The following OTUD7A variants were observed in gnomAD, a reference collection of about 807,000 sequenced individuals.
OTUD7A encodes OTU domain-containing protein 7A.
OTUD7A carries 12 observed loss-of-function variants against 65.7 expected under a neutral mutation model. The observed-to-expected ratio is 0.18, with a 90% CI of 0.12 to 0.30. The LOEUF (loss-of-function observed/expected upper bound fraction) is 0.30, where lower values mean the gene tolerates loss of function less well. OTUD7A is among the 10% of genes least tolerant of loss of function. The probability of loss-of-function intolerance (pLI) is 1.00; values close to 1 mark genes in which losing one functional copy is unlikely to be tolerated. For synonymous variants in OTUD7A, 641 were observed against 586.3 expected (o/e 1.09, Z -1.35); for missense variants, 1,148 against 1,304.8 (o/e 0.88, Z 1.85).
intron 1 of OTUD7A, among the ~76,000 whole-genome samples, chr15:31,857,193 G>A (rs1897597573): frequency 6.6e-6 from 1 of 152,126 alleles, no homozygotes; most frequent in Admixed American, 6.5e-5. Flanking sequence ...GAATGCACCT[G>A]GACAGTCTGT....
intron 1 of OTUD7A, among the ~76,000 whole-genome samples, chr15:31,722,622 T>C (rs1292533982): frequency 1.3e-5 from 2 of 152,210 alleles, no homozygotes; most frequent in African/African-American, 4.8e-5. Flanking sequence ...AGGGATGGAA[T>C]GCAGGCAGGA....
intron 5 of OTUD7A, among the ~76,000 whole-genome samples, chr15:31,546,189 A>G (rs1302210104): frequency 6.6e-6 from 1 of 152,214 alleles, no homozygotes; most frequent in African/African-American, 2.4e-5. Flanking sequence ...TTCCCTATGG[A>G]TACTGAGGGA....
At chr15:31,571,282 TAAG>T (rs920538571) in intron 3 of OTUD7A, among the ~76,000 whole-genome samples, 1 of 152,070 alleles carries the variant, frequency 6.6e-6, no homozygotes, top group Admixed American at 6.5e-5. Flanking sequence ...CAAATAAAAA[TAAG>T]CTCTCTTCTC....
In OTUD7A at chr15:31,526,500, C is replaced by T. The variant is rs1238513030; in HGVS notation, c.781-39G>A. On this transcript the variant is annotated intron_variant, in intron 7 of 12. Coordinates refer to ENST00000307050, the MANE Select transcript of OTUD7A (RefSeq NM_001382637.1). ...GCCGGCTCAGAAGGGGGGTGGGCCA[C>T]AGCTGCGCTGCCCTCCTCTCCTCAC... 4.7e-6 allele frequency: 7 copies of T among 1,476,646 alleles called. No homozygotes were observed. In the South Asian group the frequency reaches 9.0e-5, roughly 19 times the overall value. The allele number at this position is 1,476,646 out of a possible 1,614,324, so 91.5% of individuals were successfully genotyped here. A position where few individuals can be genotyped will look rare whatever the true frequency, so the allele number is the denominator to read the frequency against.
intron 4 of OTUD7A, among the ~76,000 whole-genome samples, chr15:31,567,990 G>C (rs2141169497): frequency 6.6e-6 from 1 of 152,374 alleles, no homozygotes; most frequent in South Asian, 2.1e-4. Context: ...GAAGCCTGCA[G>C]CAGGGGCATA....
chr15:31,766,409 T>G, intron 1 of OTUD7A: 1 of 1,584,564 alleles, frequency 6.3e-7, no homozygotes, highest in East Asian at 2.2e-5. Context: ...CTAAATGAGG[T>G]TGCAGCAAAC....
intron 1 of OTUD7A, among the ~76,000 whole-genome samples, chr15:31,798,544 G>A (rs1896033714): frequency 1.3e-5 from 2 of 152,218 alleles, no homozygotes; most frequent in Non-Finnish European, 2.9e-5. Flanking sequence ...GCATCAAGGA[G>A]GGAAGTGGAG....
intron 1 of OTUD7A, among the ~76,000 whole-genome samples, chr15:31,676,072 C>T (rs563243946): frequency 1.6e-4 from 25 of 152,160 alleles, no homozygotes; most frequent in African/African-American, 5.3e-4. Context: ...AAATAAGTTG[C>T]ATGTTTGTTC....
intron 1 of OTUD7A, among the ~76,000 whole-genome samples, chr15:31,714,313 G>A (rs954343566): frequency 2.6e-5 from 4 of 152,166 alleles, no homozygotes; most frequent in Admixed American, 2.0e-4. Context: ...ATGAATGAAT[G>A]AACTGGTGGT....
intron 5 of OTUD7A, among the ~76,000 whole-genome samples, chr15:31,545,825 T>C (rs73372539): frequency 0.028 from 4,205 of 152,288 alleles, 195 homozygotes; most frequent in African/African-American, 0.095. Flanking sequence ...ACTGTTATAA[T>C]GCTGAACATA....
At chr15:31,499,691 G>A (rs1267144791) in intron 10 of OTUD7A, among the ~76,000 whole-genome samples, 1 of 152,248 alleles carries the variant, frequency 6.6e-6, no homozygotes, top group Non-Finnish European at 1.5e-5. Context: ...GACCTTATGG[G>A]TGAATGTGCA....
intron 9 of OTUD7A, 56 bp downstream of exon 9, chr15:31,503,635 C>T (rs530831853): frequency 2.5e-6 from 4 of 1,610,130 alleles, no homozygotes; most frequent in Non-Finnish European, 1.7e-6. Flanking sequence ...TGCTTTCTAG[C>T]TGGGATGCTA....
intron 1 of OTUD7A, among the ~76,000 whole-genome samples, chr15:31,845,124 G>T (rs1484621768): frequency 6.6e-6 from 1 of 152,188 alleles, no homozygotes; most frequent in African/African-American, 2.4e-5. Context: ...ACCCCTTCTG[G>T]TTCCCATGTT....
At chr15:31,760,446 C>T (rs544062380) in intron 1 of OTUD7A, among the ~76,000 whole-genome samples, 18 of 152,332 alleles carry the variant, frequency 1.2e-4, no homozygotes, top group African/African-American at 3.8e-4. Flanking sequence ...TCACCAAATG[C>T]TCACTTCTTC....
chr15:31,793,626 C>T (rs9806382), intron 1 of OTUD7A, among the ~76,000 whole-genome samples: 150,545 of 152,378 alleles, frequency 0.99, 74,399 homozygotes, highest in East Asian at 1. Context: ...CCTGGGTTTG[C>T]AGCTAGAGCC....
chr15:31,870,334 C>A, intron 1 of OTUD7A, among the ~76,000 whole-genome samples, 173 bp downstream of exon 1: 1 of 146,426 alleles, frequency 6.8e-6, no homozygotes, highest in East Asian at 2.0e-4. Flanking sequence ...GGGCCCGCGC[C>A]CCCCGCGTCC....
rs894470092 is a variant in OTUD7A at position 31,598,983 on chromosome 15, A to G, written c.152-28786T>C. Among the ~76,000 whole-genome samples, 5 of 150,986 alleles carry G rather than the reference A, an allele frequency of 3.3e-5. No homozygotes were observed. In the East Asian group the frequency reaches 7.8e-4, roughly 23 times the overall value. On this transcript the variant is annotated intron_variant, in intron 3 of 12. Coordinates refer to ENST00000307050, the MANE Select transcript of OTUD7A (RefSeq NM_001382637.1). ...CCTCCTCTCTGGGCAGGGCATCTCT[A>G]AAAAAAAAGGCAGCAGCCCCAGTCA...
intron 1 of OTUD7A, among the ~76,000 whole-genome samples, chr15:31,815,235 A>G (rs1447677930): frequency 6.6e-6 from 1 of 151,856 alleles, no homozygotes; most frequent in Non-Finnish European, 1.5e-5. Flanking sequence ...CTGTAGCCAT[A>G]GCAGCAATTA....
rs574788568 is a variant in OTUD7A, at chr15:31,750,382, C to T, written c.-99-93305G>A. ...AAGATCATGCCACTGCTTTCTAGCC[C>T]GGGCAACAGAGAATCTGACTCAAAA... On this transcript the variant is annotated intron_variant, in intron 1 of 12. Transcript: ENST00000307050. 1.1e-3 allele frequency among the ~76,000 whole-genome samples: 132 copies of T among 115,624 alleles called. 1 individual carries two copies. The highest frequency in any genetic ancestry group is 0.016 in the Middle Eastern group (2 of 122). 75.9% of individuals were successfully genotyped at this position (115,624 alleles called of 152,430 possible).
Sources: allele counts gnomAD v4.1 joint callset (sites outside exome capture counted in the v4.1 genomes callset), GRCh38; gene constraint gnomAD v4.1.1; transcripts MANE v1.5; gene names NCBI Gene and HGNC (gene_info 2026-07-23, HGNC 2026-07-21).